The following TENM2 variants were observed in gnomAD, a reference collection of about 807,000 sequenced individuals.
The protein encoded by TENM2 is teneurin transmembrane protein 2, also known as teneurin-2.
Under a neutral mutation model 245.2 loss-of-function variants are expected in TENM2, and 52 were observed. The ratio of observed to expected loss-of-function variants is 0.21; its 90% confidence interval spans 0.17 to 0.27. TENM2 has a LOEUF of 0.27. Ranked by LOEUF, TENM2 falls within the 10% of genes least tolerant of loss-of-function variation. The probability of loss-of-function intolerance (pLI) is 1.00; values close to 1 mark genes in which losing one functional copy is unlikely to be tolerated. For synonymous variants in TENM2, 1,363 were observed against 1,438.9 expected (o/e 0.95, Z 1.19); for missense variants, 3,046 against 3,666.8 (o/e 0.83, Z 4.37).
chr5:167,951,272 A>T (rs1780080499), intron 3 of TENM2, among the ~76,000 whole-genome samples: 1 of 152,200 alleles, frequency 6.6e-6, no homozygotes, highest in South Asian at 2.1e-4. Flanking sequence ...CCAGGACAGC[A>T]GGGGCTGAGG....
chr5:167,615,423 G>A (rs756688072), intron 2 of TENM2, among the ~76,000 whole-genome samples: 17 of 152,050 alleles, frequency 1.1e-4, no homozygotes, highest in South Asian at 1.0e-3. Flanking sequence ...TTAGCAAGTC[G>A]TAGATCCTTG....
intron 2 of TENM2, among the ~76,000 whole-genome samples, chr5:167,416,122 C>T (rs983444957): frequency 1.2e-4 from 19 of 152,238 alleles, no homozygotes; most frequent in African/African-American, 4.6e-4. Flanking sequence ...GAAGGGGGTG[C>T]TTAGCAGCGA....
intron 3 of TENM2, among the ~76,000 whole-genome samples, chr5:167,892,590 A>G (rs1443298464): frequency 1.3e-5 from 2 of 152,182 alleles, no homozygotes; most frequent in Non-Finnish European, 2.9e-5. Flanking sequence ...GAGTGTTTCC[A>G]TTTTCAAAAC....
At chr5:167,518,810 G>C (rs1770567846) in intron 2 of TENM2, among the ~76,000 whole-genome samples, 1 of 152,134 alleles carries the variant, frequency 6.6e-6, no homozygotes, top group Non-Finnish European at 1.5e-5. Context: ...AGTGTTGAAT[G>C]GTGTGCTTGA....
intron 4 of TENM2, among the ~76,000 whole-genome samples, chr5:167,957,754 A>G (rs1013037303): frequency 6.6e-6 from 1 of 152,140 alleles, no homozygotes; most frequent in Non-Finnish European, 1.5e-5. Context: ...TCAGGAGCAG[A>G]TTGTTCAGTT....
At chr5:168,201,430 A>G (rs963262373) in intron 17 of TENM2, among the ~76,000 whole-genome samples, 6 of 151,974 alleles carry the variant, frequency 3.9e-5, no homozygotes, top group African/African-American at 1.5e-4. Context: ...ATTCACTTCC[A>G]TACACTCCAG....
At chr5:168,179,205 A>G (rs1437416096) in intron 13 of TENM2, among the ~76,000 whole-genome samples, 2 of 151,230 alleles carry the variant, frequency 1.3e-5, no homozygotes, top group African/African-American at 4.9e-5. Flanking sequence ...TCACTTCTCC[A>G]TCATTTACTA....
At chr5:167,087,464 G>T in the TENM2 span, among the ~76,000 whole-genome samples, 1 of 152,002 alleles carries the variant, frequency 6.6e-6, no homozygotes, top group East Asian at 1.9e-4. Flanking sequence ...TCCAAGTTTT[G>T]AACTGAAACC....
chr5:167,665,113 T>A (rs1445067870), intron 2 of TENM2, among the ~76,000 whole-genome samples: 1 of 152,206 alleles, frequency 6.6e-6, no homozygotes, highest in Admixed American at 6.5e-5. Context: ...TTTATCCCTA[T>A]GTCCTAACTG....
chr5:167,402,673 AC>A (rs1484490456), intron 2 of TENM2, among the ~76,000 whole-genome samples: 10 of 152,130 alleles, frequency 6.6e-5, no homozygotes, highest in Non-Finnish European at 2.9e-5. Context: ...ACATCATGAT[AC>A]ACCAAAGGCA....
intron 2 of TENM2, among the ~76,000 whole-genome samples, chr5:167,445,369 A>AGAGAGAGACAGACAGAGAGT (rs35699708): frequency 1.0e-5 from 1 of 98,578 alleles, no homozygotes. Context: ...AGAGAGAGAG[A>AGAGAGAGACAGACAGAGAGT]GTGTCAGGTG....
chr5:167,940,603 A>G (rs2151764409), intron 3 of TENM2, among the ~76,000 whole-genome samples: 1 of 152,334 alleles, frequency 6.6e-6, no homozygotes, highest in South Asian at 2.1e-4. Flanking sequence ...AAAGAGTCTC[A>G]AATAGGAGCC....
At chr5:167,856,293 A>G (rs1242905054) in intron 2 of TENM2, among the ~76,000 whole-genome samples, 12 of 152,078 alleles carry the variant, frequency 7.9e-5, no homozygotes, top group Non-Finnish European at 1.0e-4. Flanking sequence ...TCCCAAGCAA[A>G]CATTAATTAC....
At chr5:167,878,038 A>G (rs1773574693) in intron 3 of TENM2, among the ~76,000 whole-genome samples, 2 of 152,192 alleles carry the variant, frequency 1.3e-5, no homozygotes, top group Admixed American at 6.5e-5. Context: ...ATATCCTTTT[A>G]TGCATATATG....
the TENM2 span, among the ~76,000 whole-genome samples, chr5:167,014,558 A>G: frequency 6.6e-6 from 1 of 152,210 alleles, no homozygotes; most frequent in East Asian, 1.9e-4. Flanking sequence ...AGGAGAGATA[A>G]GAAACAGATA....
intron 2 of TENM2, among the ~76,000 whole-genome samples, chr5:167,606,081 GA>G: frequency 6.6e-6 from 1 of 152,284 alleles, no homozygotes; most frequent in South Asian, 2.1e-4. Context: ...GCCCAGCCCA[GA>G]GCAATTTCTG....
At chr5:168,162,554 G>C in intron 12 of TENM2, 57 bp from the exon 15 acceptor site, 1 of 1,584,862 alleles carries the variant, frequency 6.3e-7, no homozygotes, top group Non-Finnish European at 8.6e-7. Flanking sequence ...TGGCTCCCCT[G>C]CTTCCCCAGC....
At chr5:167,185,134 T>G in the TENM2 span, among the ~76,000 whole-genome samples, 2 of 152,274 alleles carry the variant, frequency 1.3e-5, no homozygotes, top group South Asian at 4.1e-4. Context: ...CTCATCTATC[T>G]ATCTTTACCC....
At chr5:167,565,334 C>T (rs1360373635) in intron 2 of TENM2, among the ~76,000 whole-genome samples, 1 of 152,202 alleles carries the variant, frequency 6.6e-6, no homozygotes, top group East Asian at 1.9e-4. Flanking sequence ...TCACTTAGTG[C>T]CGTGACTACA....
Sources: allele counts gnomAD v4.1 joint callset (sites outside exome capture counted in the v4.1 genomes callset), GRCh38; gene constraint gnomAD v4.1.1; transcripts MANE v1.5; gene names NCBI Gene and HGNC (gene_info 2026-07-23, HGNC 2026-07-21).